TOGARAM2: variants seen among roughly 807,000 people sequenced by gnomAD.
TOGARAM2 encodes TOG array regulator of axonemal microtubules protein 2.
Under a neutral mutation model 93.3 loss-of-function variants are expected in TOGARAM2, and 85 were observed. The observed-to-expected ratio is 0.91, with a 90% confidence interval of 0.76 to 1.09. The LOEUF is 1.09. Among genes scored for constraint, TOGARAM2 ranks in the 50% least tolerant of loss-of-function variants. The pLI is 0.00. For synonymous variants in TOGARAM2, 593 were observed against 552.8 expected, an observed-to-expected ratio of 1.07 and a Z score of -1.02; for missense variants, 1,277 against 1,334.5, an observed-to-expected ratio of 0.96 and a Z score of 0.67.
chr2:28,967,859 C>G (rs947939887), intron 1 of TOGARAM2, among the ~76,000 whole-genome samples: 1 of 129,594 alleles, frequency 7.7e-6, no homozygotes, highest in Non-Finnish European at 1.5e-5. Context: ...ATTGCCCAGG[C>G]TGGAGTGCAG....
intron 1 of TOGARAM2, among the ~76,000 whole-genome samples, chr2:28,986,848 G>A (rs113966426): frequency 3.3e-5 from 5 of 152,308 alleles, no homozygotes; most frequent in Non-Finnish European, 5.9e-5. Context: ...CCTATTAAAT[G>A]TTTCTCATAT....
At chr2:28,983,679 G>A (rs1672333360) in intron 1 of TOGARAM2, among the ~76,000 whole-genome samples, 1 of 152,090 alleles carries the variant, frequency 6.6e-6, no homozygotes. Flanking sequence ...TCCTAGGAGT[G>A]GAATTGCTGA....
upstream of TOGARAM2, among the ~76,000 whole-genome samples, chr2:28,979,192 G>A (rs1349775537): frequency 1.3e-5 from 2 of 152,060 alleles, no homozygotes; most frequent in Non-Finnish European, 2.9e-5. Flanking sequence ...TTGCCTCAGC[G>A]GTTTCCACCC....
chr2:28,988,019 T>A (rs1004878610), intron 1 of TOGARAM2, among the ~76,000 whole-genome samples: 25 of 151,914 alleles, frequency 1.6e-4, no homozygotes, highest in Non-Finnish European at 1.3e-4. Context: ...GAGTTGAGGG[T>A]CAGTGTGGAA....
At chr2:28,992,897 T>TA (rs1206243026) in intron 1 of TOGARAM2, among the ~76,000 whole-genome samples, 4 of 151,950 alleles carry the variant, frequency 2.6e-5, no homozygotes, top group African/African-American at 9.7e-5. Flanking sequence ...CCATCTCTGC[T>TA]AAAAATACAA....
At chr2:29,045,867 C>T (rs1042075501) in intron 19 of TOGARAM2, 1 of 241,446 alleles carries the variant, frequency 4.1e-6, no homozygotes, top group Non-Finnish European at 8.1e-6. Context: ...GGACACTCAA[C>T]CTGTGTGCGT....
intron 1 of TOGARAM2, among the ~76,000 whole-genome samples, chr2:28,971,633 C>G (rs1339566156): frequency 6.6e-6 from 1 of 152,034 alleles, no homozygotes; most frequent in Non-Finnish European, 1.5e-5. Flanking sequence ...TTTGTTTCTT[C>G]TCTGAGATAT....
chr2:28,971,894 G>C (rs748341332), intron 1 of TOGARAM2, among the ~76,000 whole-genome samples: 1 of 152,170 alleles, frequency 6.6e-6, no homozygotes, highest in African/African-American at 2.4e-5. Flanking sequence ...GATTATAGCA[G>C]AGTTTTGCAA....
At chr2:28,976,466 C>T (rs1215909369), upstream of TOGARAM2, among the ~76,000 whole-genome samples, 1 of 152,238 alleles carries the variant, frequency 6.6e-6, no homozygotes, top group Non-Finnish European at 1.5e-5. Flanking sequence ...CCTCCCCTCC[C>T]CCTGCCCTCC....
intron 17 of TOGARAM2, among the ~76,000 whole-genome samples, chr2:29,035,888 G>A (rs1328832500): frequency 6.6e-6 from 1 of 152,178 alleles, no homozygotes; most frequent in Non-Finnish European, 1.5e-5. Flanking sequence ...TTACAGTGAG[G>A]AGGGTAGGAG....
At chr2:29,030,751 C>T (rs1231410363) in intron 14 of TOGARAM2, among the ~76,000 whole-genome samples, 1 of 152,192 alleles carries the variant, frequency 6.6e-6, no homozygotes, top group African/African-American at 2.4e-5. Context: ...TCCTCATCTC[C>T]CTCTCCTGGC....
At chr2:28,990,734 C>T (rs1032692957) in intron 1 of TOGARAM2, among the ~76,000 whole-genome samples, 1 of 152,054 alleles carries the variant, frequency 6.6e-6, no homozygotes, top group East Asian at 1.9e-4. Context: ...TCCTGTCGGG[C>T]GTGACAGTGA....
At chr2:29,026,374 C>T (rs566878493) in intron 13 of TOGARAM2, among the ~76,000 whole-genome samples, 2 of 152,318 alleles carry the variant, frequency 1.3e-5, no homozygotes, top group Admixed American at 1.3e-4. Flanking sequence ...CCACAGGGAG[C>T]TGGCAGCCTG....
intron 1 of TOGARAM2, among the ~76,000 whole-genome samples, chr2:28,984,686 A>G (rs1191235410): frequency 6.6e-6 from 1 of 152,242 alleles, no homozygotes; most frequent in African/African-American, 2.4e-5. Context: ...CTCCAGGACT[A>G]TGATCAAGTG....
chr2:28,993,586 A>G (rs1490672279), intron 1 of TOGARAM2, among the ~76,000 whole-genome samples: 2 of 152,180 alleles, frequency 1.3e-5, no homozygotes, highest in Non-Finnish European at 2.9e-5. Context: ...TAGATATTAA[A>G]CAGAGAGTTC....
At chr2:28,981,921 G>T (rs985671155) in intron 1 of TOGARAM2, among the ~76,000 whole-genome samples, 4 of 152,194 alleles carry the variant, frequency 2.6e-5, no homozygotes, top group African/African-American at 9.7e-5. Flanking sequence ...GATGGTGCCG[G>T]GAAGGGTGGG....
At chr2:28,993,297 C>T (rs1304436919) in intron 1 of TOGARAM2, among the ~76,000 whole-genome samples, 1 of 152,152 alleles carries the variant, frequency 6.6e-6, no homozygotes, top group Non-Finnish European at 1.5e-5. Flanking sequence ...ACAGGTGGGG[C>T]TTGCAACTCT....
At chr2:29,043,449 A>G (rs1666554120) in intron 18 of TOGARAM2, among the ~76,000 whole-genome samples, 2 of 152,168 alleles carry the variant, frequency 1.3e-5, no homozygotes, top group African/African-American at 4.8e-5. Flanking sequence ...AGGAACTTGG[A>G]AAAAGTGAGA....
chr2:28,976,483 C>G (rs143185850), upstream of TOGARAM2, among the ~76,000 whole-genome samples: 1 of 152,228 alleles, frequency 6.6e-6, no homozygotes, highest in Non-Finnish European at 1.5e-5. Flanking sequence ...CTCCATCTCT[C>G]GAGCTTTCCT....
Sources: gnomAD v4.1 joint callset for allele counts (sites outside exome capture counted in the v4.1 genomes callset) on GRCh38, gnomAD v4.1.1 for gene constraint, MANE v1.5 for transcripts, NCBI Gene and HGNC (gene_info 2026-07-23, HGNC 2026-07-21) for gene names.